The following KLF5 variants were observed in gnomAD, a reference collection of about 807,000 sequenced individuals.
KLF5 encodes the protein Krueppel-like factor 5.
Under a neutral mutation model 36.9 loss-of-function variants are expected in KLF5, and 9 were observed. The observed-to-expected ratio is 0.24, with a 90% CI of 0.15 to 0.43. The LOEUF (loss-of-function observed/expected upper bound fraction) is 0.43. KLF5 is among the 20% of genes least tolerant of loss of function. The probability of loss-of-function intolerance (pLI) is 1.00; values close to 1 mark genes in which losing one functional copy is unlikely to be tolerated. For missense variants in KLF5, 524 were observed against 599.5 expected (o/e 0.87, Z 1.31); for synonymous variants, 246 against 241.7 (o/e 1.02, Z -0.17).
intron 1 of KLF5, 100 bp downstream of exon 1, chr13:73,059,688 T>TGCGTCGGGGCGC: frequency 1.1e-6 from 1 of 948,482 alleles, no homozygotes; most frequent in Non-Finnish European, 1.3e-6. Context: ...GGCTGGGGCG[T>TGCGTCGGGGCGC]GCGTCGGGGC....
intron 3 of KLF5, among the ~76,000 whole-genome samples, chr13:73,070,388 C>T (rs545399753): frequency 2.2e-4 from 34 of 152,302 alleles, no homozygotes; most frequent in African/African-American, 7.7e-4. Flanking sequence ...CTCATTGACA[C>T]TTTAACGTCA....
chr13:73,072,657 C>G (rs1317754738), intron 3 of KLF5, among the ~76,000 whole-genome samples: 2 of 152,180 alleles, frequency 1.3e-5, no homozygotes, highest in Non-Finnish European at 2.9e-5. Flanking sequence ...TTGCTTCTAA[C>G]TCTACGGGGT....
chr13:73,070,278 G>A lies in KLF5; in HGVS notation c.1196-5430G>A, dbSNP rs183177120. On this transcript the variant is annotated intron_variant, in intron 3 of 3. Coordinates refer to ENST00000377687, the MANE Select transcript of KLF5 (RefSeq NM_001730.5). ...ACTGGTCAGGGTCACCATGTGAAGT[G>A]CAAATTAAAGGGAAGGTTATCTAGT... Among the ~76,000 whole-genome samples, 56 of 152,268 alleles carry A rather than the reference G, an allele frequency of 3.7e-4. No individual in the cohort carries two copies. The East Asian group carries it at 0.01, about 28-fold the overall frequency.
chr13:73,055,122 A>G (rs1209760729), upstream of KLF5: 2 of 152,194 alleles, frequency 1.3e-5, no homozygotes, highest in African/African-American at 4.8e-5. Context: ...TTATTATACT[A>G]ACAAGGTGGA....
chr13:73,068,937 A>G (rs2044702523), intron 3 of KLF5, among the ~76,000 whole-genome samples: 1 of 151,932 alleles, frequency 6.6e-6, no homozygotes, highest in Non-Finnish European at 1.5e-5. Flanking sequence ...CTCTACTAAA[A>G]ATACAAAAAT....
intron 1 of KLF5, chr13:73,060,519 C>G (rs2044626755): frequency 1.3e-5 from 2 of 152,314 alleles, no homozygotes; most frequent in East Asian, 3.9e-4. Flanking sequence ...TATTTGCTAC[C>G]CAGCGCCTAC....
intron 1 of KLF5, among the ~76,000 whole-genome samples, chr13:73,060,361 G>C (rs905697584): frequency 6.6e-6 from 1 of 150,828 alleles, no homozygotes; most frequent in African/African-American, 2.4e-5. Flanking sequence ...CTGTCCCAAG[G>C]AAAAAAAAAT....
intron 3 of KLF5, among the ~76,000 whole-genome samples, chr13:73,068,287 CTT>C (rs1410096577): frequency 1.3e-5 from 2 of 152,156 alleles, no homozygotes; most frequent in African/African-American, 2.4e-5. Context: ...TTGCAGAAGA[CTT>C]TATTGCCTAC....
chr13:73,061,976 A>G lies in KLF5; in HGVS notation c.377A>G (p.Asp126Gly), dbSNP rs2044638802. 1.2e-6 allele frequency: 2 copies of G among 1,614,178 alleles called. No homozygotes were observed. Among genetic ancestry groups the G allele is most frequent in the East Asian group, 4.5e-5 (2 of 44,890 alleles). ...TCAGTCGTAGACCAGTTCTTCACTG[A>G]CACTGAAGGGTTACCTTACAGTATC... is the stretch of plus-strand genomic sequence containing the variant. ...SASVVDQFFT[D>G]TEGLPYSINM... The change falls in exon 2 of 4, where the codon GAC becomes GGC. Residue 126 changes from aspartate to glycine, a missense_variant. Asp to Gly is a moderately conservative substitution (Grantham distance 94). Coordinates refer to ENST00000377687, the MANE Select transcript of KLF5 (RefSeq NM_001730.5).
intron 1 of KLF5, among the ~76,000 whole-genome samples, chr13:73,060,183 C>T (rs1352496598): frequency 1.3e-5 from 2 of 148,152 alleles, no homozygotes; most frequent in Non-Finnish European, 3.0e-5. Flanking sequence ...AAAAAAAGAC[C>T]GGGGGTGTTG....
intron 3 of KLF5, among the ~76,000 whole-genome samples, chr13:73,064,822 G>C (rs1185912921): frequency 6.6e-6 from 1 of 152,136 alleles, no homozygotes; most frequent in African/African-American, 2.4e-5. Flanking sequence ...GATTACAGGC[G>C]TGAGCCACCG....
chr13:73,076,001 T>A lies in KLF5; in HGVS notation c.*115T>A. 1.2e-6 allele frequency: 1 copy of A among 838,576 alleles called. No homozygotes were observed. Among genetic ancestry groups the A allele is most frequent in the Non-Finnish European group, 1.7e-6 (1 of 578,490 alleles). The allele number at this position is 838,576 out of a possible 1,614,324, so 51.9% of individuals were successfully genotyped here. ...AAAGCAAGAAAACCACAACTAAAAC[T>A]GGAAATGTATATTTTGTATATTTGA... On this transcript the variant is annotated 3_prime_UTR_variant, in exon 4 of 4. Coordinates refer to ENST00000377687, the MANE Select transcript of KLF5 (RefSeq NM_001730.5).
intron 3 of KLF5, among the ~76,000 whole-genome samples, chr13:73,068,030 G>A (rs1034420594): frequency 1.9e-4 from 29 of 151,768 alleles, no homozygotes; most frequent in African/African-American, 5.6e-4. Context: ...TAGTGGAGAC[G>A]GGGTTTCACC....
upstream of KLF5, among the ~76,000 whole-genome samples, chr13:73,056,670 G>A (rs780841931): frequency 6.6e-6 from 1 of 152,176 alleles, no homozygotes; most frequent in Non-Finnish European, 1.5e-5. Flanking sequence ...TCCAATTTCC[G>A]TACTATTGTA....
At chr13:73,059,709 C>A (rs2044616627) in intron 1 of KLF5, 121 bp downstream of exon 1, 1 of 916,656 alleles carries the variant, frequency 1.1e-6, no homozygotes, top group Non-Finnish European at 1.3e-6. Context: ...GCACCGGAGC[C>A]GGTGCTGGGT....
rs1442133171 is a variant in KLF5 at position 73,077,356 on chromosome 13, C to G, written c.*1470C>G. The G allele has an allele frequency of 6.6e-6, 1 of 152,534 alleles. No homozygotes were observed. The highest frequency in any genetic ancestry group is 1.5e-5 in the Non-Finnish European group (1 of 68,006). 9.4% of individuals were successfully genotyped at this position (152,534 alleles called of 1,614,324 possible). ...AAAATGTTTATACGTGGAAACACAC[C>G]TACATGAAAAGCAGAAATCGGTTGC... On this transcript the variant is annotated 3_prime_UTR_variant, in exon 4 of 4. Transcript: ENST00000377687.
intron 3 of KLF5, among the ~76,000 whole-genome samples, chr13:73,069,481 A>G (rs2044707110): frequency 6.6e-6 from 1 of 152,162 alleles, no homozygotes; most frequent in Non-Finnish European, 1.5e-5. Context: ...GATTTTATTA[A>G]ACATTCTTTT....
rs1311667706 is a variant in KLF5, at chr13:73,059,782, G to T, written c.261+194G>T. Reference sequence around the variant, plus strand: ...GTTTCGCTGAGAGTAAATGGGGGGGGGGGCCGGGGGTGGGAAGGATGGAGG... The same window carrying T: ...GTTTCGCTGAGAGTAAATGGGGGGGTGGGCCGGGGGTGGGAAGGATGGAGG... On this transcript the variant is annotated intron_variant, in intron 1 of 3. Coordinates refer to ENST00000377687, the MANE Select transcript of KLF5 (RefSeq NM_001730.5). 8 of 724,348 alleles carry T rather than the reference G, an allele frequency of 1.1e-5. No homozygotes were observed. In the African/African-American group the frequency reaches 1.1e-4, roughly 10 times the overall value. 44.9% of individuals were successfully genotyped at this position (724,348 alleles called of 1,614,324 possible).
chr13:73,065,683 A>G (rs1245849033), intron 3 of KLF5, among the ~76,000 whole-genome samples: 1 of 152,270 alleles, frequency 6.6e-6, no homozygotes, highest in Non-Finnish European at 1.5e-5. Flanking sequence ...CCTTTTACAG[A>G]ATATAAATGG....
Sources: allele counts gnomAD v4.1 joint callset (sites outside exome capture counted in the v4.1 genomes callset), GRCh38; gene constraint gnomAD v4.1.1; transcripts MANE v1.5; gene names NCBI Gene and HGNC (gene_info 2026-07-23, HGNC 2026-07-21).